Variants in NCOA2 observed in about 807,000 individuals in gnomAD.
NCOA2 encodes the protein class E basic helix-loop-helix protein 75.
Under a neutral mutation model 145.1 loss-of-function variants are expected in NCOA2, and 21 were observed. The observed-to-expected ratio is 0.14, with a 90% CI of 0.10 to 0.21. The LOEUF (loss-of-function observed/expected upper bound fraction) is 0.21, where lower values mean the gene tolerates loss of function less well. Among genes scored for constraint, NCOA2 ranks in the 10% least tolerant of loss-of-function variants. The probability of loss-of-function intolerance (pLI) is 1.00; values close to 1 mark genes in which losing one functional copy is unlikely to be tolerated. For missense variants in NCOA2, 1,472 were observed against 1,837.6 expected, an observed-to-expected ratio of 0.80 and a Z score of 3.64; for synonymous variants, 619 against 637.5, an observed-to-expected ratio of 0.97 and a Z score of 0.44.
chr8:70,454,311 C>G, the NCOA2 span, among the ~76,000 whole-genome samples: 1 of 152,132 alleles, frequency 6.6e-6, no homozygotes. Context: ...CATGACAGCT[C>G]GGCAGCTCTG....
chr8:70,114,484 A>G (rs777411437), intron 22 of NCOA2, among the ~76,000 whole-genome samples: 5 of 152,216 alleles, frequency 3.3e-5, no homozygotes, highest in Non-Finnish European at 5.9e-5. Flanking sequence ...TCTTCCTTCC[A>G]AAAGTTTTCA....
chr8:70,276,504 G>A (rs528536356), intron 2 of NCOA2, among the ~76,000 whole-genome samples: 2 of 152,278 alleles, frequency 1.3e-5, no homozygotes, highest in South Asian at 4.1e-4. Context: ...GTCTAGGAGG[G>A]TCCCTGTGGG....
intron 5 of NCOA2, among the ~76,000 whole-genome samples, chr8:70,171,629 G>C (rs142785465): frequency 6.6e-6 from 1 of 152,136 alleles, no homozygotes; most frequent in East Asian, 1.9e-4. Context: ...CAGGGCCATG[G>C]GGTCTAGTCA....
rs139273119 is a variant in NCOA2, at chr8:70,236,198, C to T, written c.-19-19434G>A. Among the ~76,000 whole-genome samples the T allele has an allele frequency of 9.3e-3, 1,414 of 152,280 alleles. 22 individuals are homozygous for T. The highest frequency in any genetic ancestry group is 0.032 in the African/African-American group (1,317 of 41,548). On this transcript the variant is annotated intron_variant, in intron 2 of 22. Transcript: ENST00000452400. The stretch of plus-strand genomic sequence containing the variant: ...TCTCCTCTTATCACTTTGCTAATCA[C>T]TACTACTTCTATTTTAGGTCTTTAT...
At chr8:70,166,319 C>T (rs1257630229) in intron 7 of NCOA2, among the ~76,000 whole-genome samples, 1 of 152,216 alleles carries the variant, frequency 6.6e-6, no homozygotes, top group Non-Finnish European at 1.5e-5. Context: ...CAAGGCTCAC[C>T]AGCCACACAT....
intron 2 of NCOA2, among the ~76,000 whole-genome samples, chr8:70,226,269 C>A (rs1820627537): frequency 6.6e-6 from 1 of 151,550 alleles, no homozygotes; most frequent in Non-Finnish European, 1.5e-5. Flanking sequence ...AGGGAAAGAA[C>A]AGGAGGGAGA....
chr8:70,401,155 TAA>T lies in NCOA2; in HGVS notation c.-77+2543_-77+2544del, dbSNP rs529109118. Among the ~76,000 whole-genome samples, 5 of 152,196 alleles carry T rather than the reference TAA, an allele frequency of 3.3e-5. No individual in the cohort carries two copies. In the East Asian group the frequency reaches 7.7e-4, roughly 24 times the overall value. Reference sequence around the variant, plus strand: ...TGCTTTGTAGCAGCTGCTTTCTTTTTAAAAGACTGCTATTCCTGCAGAGCAAC... The same window carrying T: ...TGCTTTGTAGCAGCTGCTTTCTTTTTAAGACTGCTATTCCTGCAGAGCAAC... On this transcript the variant is annotated intron_variant, in intron 1 of 22. Coordinates refer to ENST00000452400, the MANE Select transcript of NCOA2 (RefSeq NM_006540.4).
intron 2 of NCOA2, among the ~76,000 whole-genome samples, chr8:70,282,448 G>A (rs1320726873): frequency 6.6e-6 from 1 of 152,138 alleles, no homozygotes; most frequent in Non-Finnish European, 1.5e-5. Flanking sequence ...CACTTTGGGA[G>A]GCCGAGACAG....
chr8:70,211,843 G>A (rs994815863), intron 4 of NCOA2, among the ~76,000 whole-genome samples: 3 of 151,986 alleles, frequency 2.0e-5, no homozygotes, highest in South Asian at 2.1e-4. Flanking sequence ...TACAAAACAC[G>A]TTGCTTTTCA....
intron 4 of NCOA2, among the ~76,000 whole-genome samples, chr8:70,205,176 T>C (rs1036934093): frequency 2.6e-5 from 4 of 152,124 alleles, no homozygotes; most frequent in Middle Eastern, 3.4e-3. Flanking sequence ...GATGAATTCA[T>C]ATTTGTTTGG....
intron 1 of NCOA2, among the ~76,000 whole-genome samples, chr8:70,385,370 C>T (rs1299264779): frequency 6.6e-6 from 1 of 152,214 alleles, no homozygotes; most frequent in Non-Finnish European, 1.5e-5. Flanking sequence ...CCAGACAGTG[C>T]TACACCAAAC....
intron 1 of NCOA2, among the ~76,000 whole-genome samples, chr8:70,384,224 T>C (rs1222580863): frequency 1.3e-5 from 2 of 151,984 alleles, no homozygotes; most frequent in African/African-American, 2.4e-5. Flanking sequence ...TCAAGTGGTT[T>C]TGAAGCATCT....
chr8:70,241,047 A>C (rs1258651505), intron 2 of NCOA2, among the ~76,000 whole-genome samples: 3 of 152,118 alleles, frequency 2.0e-5, no homozygotes, highest in Non-Finnish European at 4.4e-5. Flanking sequence ...TTACTGATTC[A>C]AAGACTATGG....
intron 2 of NCOA2, among the ~76,000 whole-genome samples, chr8:70,253,472 C>G (rs750299890): frequency 2.6e-5 from 4 of 151,900 alleles, no homozygotes; most frequent in African/African-American, 4.8e-5. Flanking sequence ...AAAAATGATA[C>G]TTGAATTAGG....
At chr8:70,322,856 G>A (rs557121763) in intron 1 of NCOA2, among the ~76,000 whole-genome samples, 1 of 152,128 alleles carries the variant, frequency 6.6e-6, no homozygotes, top group Non-Finnish European at 1.5e-5. Context: ...AGCCAAAAAA[G>A]TGAAGTGCTC....
intron 3 of NCOA2, 77 bp downstream of exon 3, chr8:70,216,583 C>T: frequency 8.4e-7 from 1 of 1,184,892 alleles, no homozygotes; most frequent in South Asian, 1.2e-5. Flanking sequence ...GCAGTAAAAT[C>T]AATGCTAAAA....
At chr8:70,325,067 T>C (rs2136215251) in intron 1 of NCOA2, among the ~76,000 whole-genome samples, 1 of 152,370 alleles carries the variant, frequency 6.6e-6, no homozygotes, top group African/African-American at 2.4e-5. Context: ...CTTAGCTATT[T>C]GCCCTTACCA....
At chr8:70,203,918 A>G (rs1398872897) in intron 4 of NCOA2, among the ~76,000 whole-genome samples, 1 of 152,230 alleles carries the variant, frequency 6.6e-6, no homozygotes, top group African/African-American at 2.4e-5. Flanking sequence ...TATATATTCT[A>G]GTCTAAAACA....
the NCOA2 span, among the ~76,000 whole-genome samples, chr8:70,415,408 C>G: frequency 6.6e-6 from 1 of 152,028 alleles, no homozygotes; most frequent in African/African-American, 2.4e-5. Context: ...CAGATGCGGC[C>G]CATACTAGGC....
Sources: allele counts gnomAD v4.1 joint callset (sites outside exome capture counted in the v4.1 genomes callset), GRCh38; gene constraint gnomAD v4.1.1; transcripts MANE v1.5; gene names NCBI Gene and HGNC (gene_info 2026-07-23, HGNC 2026-07-21).